Variants in ARMC9 observed in about 807,000 individuals in gnomAD.
The protein encoded by ARMC9 is armadillo repeat containing 9, also known as lisH domain-containing protein ARMC9.
ARMC9 carries 94 observed loss-of-function variants against 107.0 expected under a neutral mutation model. The ratio of observed to expected loss-of-function variants is 0.88; its 90% CI spans 0.74 to 1.04. ARMC9 has a LOEUF of 1.04. Ranked by LOEUF, ARMC9 falls within the 50% of genes least tolerant of loss-of-function variation. The pLI, the probability that ARMC9 is intolerant of heterozygous loss-of-function variation, is 0.00. For synonymous variants in ARMC9, 380 were observed against 396.9 expected, an observed-to-expected ratio of 0.96 and a Z score of 0.51; for missense variants, 942 against 1,030.1, an observed-to-expected ratio of 0.91 and a Z score of 1.17.
At chr2:231,315,555 A>G (rs1018247647) in intron 19 of ARMC9, among the ~76,000 whole-genome samples, 1 of 152,194 alleles carries the variant, frequency 6.6e-6, no homozygotes, top group Non-Finnish European at 1.5e-5. Flanking sequence ...AAATAAATAA[A>G]TAAATTGACC....
intron 21 of ARMC9, among the ~76,000 whole-genome samples, chr2:231,351,728 T>C (rs1192189245): frequency 6.6e-6 from 1 of 152,164 alleles, no homozygotes; most frequent in Admixed American, 6.5e-5. Flanking sequence ...TTACATACCA[T>C]AATTTATATA....
At chr2:231,366,027 G>A (rs985700792) in intron 23 of ARMC9, among the ~76,000 whole-genome samples, 4 of 152,146 alleles carry the variant, frequency 2.6e-5, no homozygotes, top group Non-Finnish European at 5.9e-5. Flanking sequence ...ACAGGCTTAA[G>A]GTGTATTAGT....
intron 19 of ARMC9, among the ~76,000 whole-genome samples, chr2:231,317,280 C>T (rs1317813859): frequency 6.6e-6 from 1 of 152,066 alleles, no homozygotes; most frequent in Non-Finnish European, 1.5e-5. Context: ...AAGCGATTCT[C>T]CTGCCTCAGC....
At chr2:231,211,137 TACAC>T (rs757246857) in intron 3 of ARMC9, among the ~76,000 whole-genome samples, 6 of 147,308 alleles carry the variant, frequency 4.1e-5, no homozygotes, top group African/African-American at 7.7e-5. Context: ...CACAAACACA[TACAC>T]ACACACACAC....
At chr2:231,366,206 A>G (rs901497703) in intron 23 of ARMC9, among the ~76,000 whole-genome samples, 1 of 152,150 alleles carries the variant, frequency 6.6e-6, no homozygotes, top group African/African-American at 2.4e-5. Context: ...CTTCTTGCTC[A>G]GGGAATATCA....
At position 231,232,786 on chromosome 2, in the gene ARMC9, CTG is replaced by C. The variant is rs781373234; in HGVS notation, c.623-2437_623-2436del. On this transcript the variant is annotated intron_variant, in intron 7 of 24. Transcript: ENST00000611582. The stretch of plus-strand genomic sequence containing the variant: ...GACTTTTTAAAGTTATCTTTCAAAA[CTG>C]AGATTTGTGGATGTTGAATAATAAT... Among the ~76,000 whole-genome samples, 3 of 152,066 alleles carry C rather than the reference CTG, an allele frequency of 2.0e-5. No individual in the cohort carries two copies. The East Asian group carries it at 5.8e-4, about 29-fold the overall frequency.
chr2:231,324,877 C>T (rs1303216785), intron 19 of ARMC9, among the ~76,000 whole-genome samples: 2 of 151,912 alleles, frequency 1.3e-5, no homozygotes, highest in Admixed American at 6.6e-5. Flanking sequence ...AGTTCAAGTC[C>T]AGCCTGAGCA....
chr2:231,330,765 C>A (rs1264344897), intron 19 of ARMC9, among the ~76,000 whole-genome samples: 2 of 152,124 alleles, frequency 1.3e-5, no homozygotes, highest in Admixed American at 6.5e-5. Flanking sequence ...TCCTGTCATG[C>A]CAGCCTTCCC....
intron 21 of ARMC9, among the ~76,000 whole-genome samples, chr2:231,352,699 ATAGATAGATGATAGG>A: frequency 6.6e-6 from 1 of 150,884 alleles, no homozygotes; most frequent in African/African-American, 2.5e-5. Flanking sequence ...AGATAGATAG[ATAGATAGATGATAGG>A]TAGGTAGATA....
chr2:231,246,818 T>G (rs887700443), intron 9 of ARMC9, among the ~76,000 whole-genome samples: 7 of 152,160 alleles, frequency 4.6e-5, no homozygotes, highest in Middle Eastern at 3.4e-3. Flanking sequence ...ATACAGAGCT[T>G]TTTTTGTTTT....
At chr2:231,230,764 G>A (rs938094658) in intron 7 of ARMC9, among the ~76,000 whole-genome samples, 4 of 152,198 alleles carry the variant, frequency 2.6e-5, no homozygotes, top group Non-Finnish European at 5.9e-5. Context: ...CTAATACAGT[G>A]TAAATGGTGT....
intron 7 of ARMC9, among the ~76,000 whole-genome samples, chr2:231,233,529 C>A (rs1427221963): frequency 3.3e-5 from 5 of 152,138 alleles, no homozygotes; most frequent in Admixed American, 6.5e-5. Context: ...GTAATCCCAG[C>A]ACTTTGGGGG....
intron 5 of ARMC9, among the ~76,000 whole-genome samples, chr2:231,222,081 A>AT (rs372179283): frequency 4.3e-4 from 66 of 152,248 alleles, no homozygotes; most frequent in African/African-American, 1.5e-3. Context: ...GGTGGAAGAT[A>AT]TTTCTGTATA....
At chr2:231,207,287 C>T (rs1176896588) in intron 2 of ARMC9, among the ~76,000 whole-genome samples, 3 of 152,154 alleles carry the variant, frequency 2.0e-5, no homozygotes, top group Non-Finnish European at 2.9e-5. Flanking sequence ...GGATTGCAGG[C>T]ATGAGCCACT....
intron 22 of ARMC9, among the ~76,000 whole-genome samples, chr2:231,357,524 C>T (rs1021685599): frequency 6.6e-6 from 1 of 152,180 alleles, no homozygotes; most frequent in South Asian, 2.1e-4. Flanking sequence ...CTGCCAGGCC[C>T]GCTCTGAGCC....
intron 9 of ARMC9, among the ~76,000 whole-genome samples, chr2:231,240,858 A>G (rs893730288): frequency 3.3e-5 from 5 of 152,124 alleles, no homozygotes; most frequent in African/African-American, 1.2e-4. Context: ...TTTGAGTTAC[A>G]TGACATTAAC....
At chr2:231,234,843 T>C (rs147375432) in intron 7 of ARMC9, among the ~76,000 whole-genome samples, 1 of 152,204 alleles carries the variant, frequency 6.6e-6, no homozygotes, top group African/African-American at 2.4e-5. Flanking sequence ...TGGCCTCAAG[T>C]GATCTGCCCG....
At chr2:231,312,143 G>C (rs1485868944) in intron 19 of ARMC9, among the ~76,000 whole-genome samples, 1 of 152,172 alleles carries the variant, frequency 6.6e-6, no homozygotes, top group East Asian at 1.9e-4. Flanking sequence ...GTTTCACCTG[G>C]ACTTACTCAT....
chr2:231,237,588 TATGA>T (rs1445437550), intron 8 of ARMC9, among the ~76,000 whole-genome samples: 1 of 151,684 alleles, frequency 6.6e-6, no homozygotes, highest in Non-Finnish European at 1.5e-5. Context: ...CCCAGTAGTG[TATGA>T]GAGTGCCTAT....
Sources: allele counts gnomAD v4.1 joint callset (sites outside exome capture counted in the v4.1 genomes callset), GRCh38; gene constraint gnomAD v4.1.1; transcripts MANE v1.5; gene names NCBI Gene and HGNC (gene_info 2026-07-23, HGNC 2026-07-21).